The following TASOR2 variants were observed in gnomAD, a reference collection of about 807,000 sequenced individuals.
TASOR2 encodes the protein transcription activation suppressor family member 2.
Under a neutral mutation model 199.5 loss-of-function variants are expected in TASOR2, and 84 were observed. That is an observed-to-expected ratio of 0.42 (90% CI 0.35 to 0.50). The LOEUF (loss-of-function observed/expected upper bound fraction) is 0.50, where lower values mean the gene tolerates loss of function less well. Among genes scored for constraint, TASOR2 ranks in the 20% least tolerant of loss-of-function variants. The probability of loss-of-function intolerance (pLI) is 0.02; values close to 1 mark genes in which losing one functional copy is unlikely to be tolerated. For synonymous variants in TASOR2, 1,103 were observed against 1,046.6 expected, an observed-to-expected ratio of 1.05 and a Z score of -1.04; for missense variants, 2,796 against 2,835.9, an observed-to-expected ratio of 0.99 and a Z score of 0.32.
chr10:5,735,372 A>G, exon 12 of TASOR2: 1 of 1,614,170 alleles, frequency 6.2e-7, no homozygotes, highest in Non-Finnish European at 8.5e-7. Context: ...AGAAGCTCCT[A>G]TTTCTAAAGA....
In TASOR2 at chr10:5,701,816, T is replaced by C. The variant is rs1837893344; in HGVS notation, c.-287-11007T>C. On this transcript the variant is annotated intron_variant, in intron 1 of 20. Transcript: ENST00000328090. This position sits in a 1 kb window ranked among gnomAD's most constrained non-coding sequence, Gnocchi z 4.9. ...ATTTTTGTATGTTGATTTTGTATCC[T>C]GCAACTTTACTGAATTTGTTTATCA... Among the ~76,000 whole-genome samples, 1 of 152,238 alleles carries C rather than the reference T, an allele frequency of 6.6e-6. No homozygotes were observed. Among genetic ancestry groups the C allele is most frequent in the Non-Finnish European group, 1.5e-5 (1 of 68,032 alleles).
At chr10:5,723,151 A>G (rs1475587559) in intron 6 of TASOR2, among the ~76,000 whole-genome samples, 1 of 128,896 alleles carries the variant, frequency 7.8e-6, no homozygotes, top group Non-Finnish European at 1.5e-5. Context: ...TCCTGGGTTC[A>G]CGCCATTCTC....
chr10:5,762,588 G>A (rs1373564221), exon 20 of TASOR2: 3 of 1,437,906 alleles, frequency 2.1e-6, no homozygotes, highest in Non-Finnish European at 1.9e-6. Context: ...TGTTACAGAT[G>A]TAAATAACTT....
chr10:5,747,709 A>G, exon 15 of TASOR2: 13 of 1,614,194 alleles, frequency 8.1e-6, no homozygotes, highest in Admixed American at 1.7e-5. Flanking sequence ...ACTTCATGGT[A>G]CACAGTGTGA....
At chr10:5,723,210 C>G (rs1220306253) in intron 6 of TASOR2, among the ~76,000 whole-genome samples, 3 of 151,556 alleles carry the variant, frequency 2.0e-5, no homozygotes, top group Admixed American at 6.6e-5. Context: ...CGCCCACCAC[C>G]ACATCCGGCT....
chr10:5,693,859 G>T (rs1312479785), intron 1 of TASOR2, among the ~76,000 whole-genome samples: 2 of 152,216 alleles, frequency 1.3e-5, no homozygotes, highest in South Asian at 4.1e-4. Flanking sequence ...TAGGAGCTCT[G>T]TTGGACCCTG....
intron 1 of TASOR2, among the ~76,000 whole-genome samples, chr10:5,696,698 G>A (rs1223378164): frequency 1.3e-5 from 2 of 152,068 alleles, no homozygotes; most frequent in African/African-American, 4.8e-5. Flanking sequence ...TAAATGTACA[G>A]CCAAGGGTCG....
At position 5,740,061 on chromosome 10, in the gene TASOR2, C is replaced by G; in HGVS notation, c.1891C>G (p.Gln631Glu). The G allele has an allele frequency of 6.2e-7, 1 of 1,614,016 alleles. No homozygotes were observed. The highest frequency in any genetic ancestry group is 1.3e-5 in the African/African-American group (1 of 75,026). Residue 631 changes from glutamine (Q) to glutamate (E), a missense_variant, in exon 13 of 21, where the codon CAG (glutamine) becomes GAG (glutamate). By Grantham distance (29) the Gln-to-Glu change is conservative. Transcript: ENST00000328090. The surrounding 1 kb of genome is among the most constrained non-coding windows in gnomAD (Gnocchi z 5.3). ...TTGTAGTCAGGCCCCTGCTAAAGCCCAGTCAGCACTTACTGAGGAAATGCT... is the reference window on the plus strand; with the variant it reads ...TTGTAGTCAGGCCCCTGCTAAAGCCGAGTCAGCACTTACTGAGGAAATGCT...
chr10:5,723,539 A>G (rs1013135502), intron 6 of TASOR2, 138 bp from the exon 8 acceptor site: 47 of 480,176 alleles, frequency 9.8e-5, no homozygotes, highest in African/African-American at 9.3e-4. Flanking sequence ...TACACATATT[A>G]TTTAACCTGG....
rs1838008582 is a variant in TASOR2, at chr10:5,751,352, T to G, written c.6606+1325T>G. On this transcript the variant is annotated intron_variant, in intron 15 of 20. Coordinates refer to ENST00000328090, the Ensembl canonical transcript of TASOR2. This position sits in a 1 kb window ranked among gnomAD's most constrained non-coding sequence, Gnocchi z 5.3. ...TAGTGATACTGAAATTCCACCAGAT[T>G]CCTTCTGCATTTATTAGTTGGTATT... 6.6e-6 allele frequency among the ~76,000 whole-genome samples: 1 copy of G among 152,244 alleles called. No individual in the cohort carries two copies. The highest frequency in any genetic ancestry group is 1.5e-5 in the Non-Finnish European group (1 of 68,046).
intron 19 of TASOR2, among the ~76,000 whole-genome samples, chr10:5,762,068 G>A (rs1178280361): frequency 6.6e-6 from 1 of 152,052 alleles, no homozygotes; most frequent in Non-Finnish European, 1.5e-5. Context: ...CTGAGCCCAG[G>A]AATTTGAGGC....
intron 1 of TASOR2, among the ~76,000 whole-genome samples, chr10:5,705,596 T>A (rs1301652017): frequency 6.6e-6 from 1 of 152,236 alleles, no homozygotes; most frequent in Non-Finnish European, 1.5e-5. Flanking sequence ...GCTTTATATT[T>A]CTACTAGGAG....
chr10:5,700,708 T>A (rs2131517009), intron 1 of TASOR2, among the ~76,000 whole-genome samples: 1 of 152,310 alleles, frequency 6.6e-6, no homozygotes, highest in South Asian at 2.1e-4. Context: ...TTCATACACC[T>A]CTTGGCCATT....
chr10:5,721,003 C>G (rs1453129627), intron 6 of TASOR2, 33 bp downstream of exon 7: 1 of 1,530,314 alleles, frequency 6.5e-7, no homozygotes, highest in African/African-American at 1.4e-5. Flanking sequence ...TTTACTAATG[C>G]TTATATTACA....
At chr10:5,728,773 G>A (rs1371100086) in intron 10 of TASOR2, among the ~76,000 whole-genome samples, 1 of 152,062 alleles carries the variant, frequency 6.6e-6, no homozygotes, top group African/African-American at 2.4e-5. Flanking sequence ...CAGGTTTTGT[G>A]GTGGAAGTAA....
rs1839140216 is a variant in TASOR2, at chr10:5,757,517, C to T, written c.6733-3C>T. 2 of 1,595,840 alleles carry T rather than the reference C, an allele frequency of 1.3e-6. No homozygotes were observed. The highest frequency in any genetic ancestry group is 1.4e-5 in the African/African-American group (1 of 73,570). On this transcript the variant is annotated splice_region_variant and splice_polypyrimidine_tract_variant and intron_variant, in intron 16 of 20. Transcript: ENST00000328090. ...TCACCGGGGTCCTTTTTGTGTCATG[C>T]AGATTCCTTCTTTGCTGAAGCTGAA...
chr10:5,755,046 C>CAAAA (rs34884255), intron 15 of TASOR2, among the ~76,000 whole-genome samples: 35 of 78,086 alleles, frequency 4.5e-4, no homozygotes, highest in African/African-American at 9.7e-4. Context: ...ACTCTTGTCT[C>CAAAA]AAAAAAAAAA....
chr10:5,726,977 G>A lies in TASOR2; in HGVS notation c.424+20G>A. On this transcript the variant is annotated intron_variant, in intron 9 of 20. Coordinates refer to ENST00000328090, the Ensembl canonical transcript of TASOR2. ...AACCAGGTATGGAGAACTGTTTTGG[G>A]AAAAAATATTTTTCATTATGTTTAC... The A allele has an allele frequency of 6.2e-7, 1 of 1,613,370 alleles. No individual in the cohort carries two copies. Among genetic ancestry groups the A allele is most frequent in the Non-Finnish European group, 8.5e-7 (1 of 1,179,636 alleles).
At chr10:5,686,909 C>T (rs1360163450) in intron 1 of TASOR2, among the ~76,000 whole-genome samples, 1 of 151,990 alleles carries the variant, frequency 6.6e-6, no homozygotes, top group Non-Finnish European at 1.5e-5. Context: ...TGAAAAAGAG[C>T]TTTGGGTTTT....
Sources: gnomAD v4.1 joint callset for allele counts (sites outside exome capture counted in the v4.1 genomes callset) on GRCh38, gnomAD v4.1.1 for gene constraint, Gnocchi (gnomAD v3.1) non-coding constraint, MANE v1.5 for transcripts, NCBI Gene and HGNC (gene_info 2026-07-23, HGNC 2026-07-21) for gene names.